ADAM20: variants seen among roughly 807,000 people sequenced by gnomAD.
The protein encoded by ADAM20 is disintegrin and metalloproteinase domain-containing protein 20.
For missense variants in ADAM20, 871 were observed against 883.2 expected (o/e 0.99, Z 0.18); for synonymous variants, 305 against 310.2 (o/e 0.98, Z 0.18).
At chr14:70,572,133 A>G in the ADAM20 span, among the ~76,000 whole-genome samples, 1 of 152,206 alleles carries the variant, frequency 6.6e-6, no homozygotes, top group Non-Finnish European at 1.5e-5. Flanking sequence ...AAAATTACGG[A>G]AACTTCACAT....
At chr14:70,562,409 T>C in the ADAM20 span, among the ~76,000 whole-genome samples, 2 of 152,178 alleles carry the variant, frequency 1.3e-5, no homozygotes, top group East Asian at 1.9e-4. Context: ...AGATGAGACT[T>C]TGGATTGTGG....
At chr14:70,574,133 A>G in the ADAM20 span, among the ~76,000 whole-genome samples, 4 of 151,988 alleles carry the variant, frequency 2.6e-5, no homozygotes, top group Non-Finnish European at 5.9e-5. Context: ...CAGATTAAAG[A>G]AGACTGAAAT....
the ADAM20 span, among the ~76,000 whole-genome samples, chr14:70,540,538 T>C: frequency 6.6e-6 from 1 of 152,212 alleles, no homozygotes; most frequent in South Asian, 2.1e-4. Flanking sequence ...CCAAATACTA[T>C]AAGGTATCAA....
the ADAM20 span, among the ~76,000 whole-genome samples, chr14:70,568,075 C>A: frequency 2.6e-5 from 4 of 152,176 alleles, no homozygotes; most frequent in African/African-American, 7.2e-5. Context: ...TACTGGACTA[C>A]AGCCTGAACT....
chr14:70,570,076 C>CA, the ADAM20 span, among the ~76,000 whole-genome samples: 11 of 151,770 alleles, frequency 7.2e-5, no homozygotes, highest in Non-Finnish European at 1.6e-4. Context: ...TCAATAAATG[C>CA]AAAAAAACTG....
At chr14:70,557,141 G>A in the ADAM20 span, 4 of 152,092 alleles carry the variant, frequency 2.6e-5, no homozygotes, top group East Asian at 3.9e-4. Context: ...AATTTCCAAG[G>A]TAAAACAACA....
chr14:70,538,206 T>C (rs1006618523), upstream of ADAM20, among the ~76,000 whole-genome samples: 43 of 151,878 alleles, frequency 2.8e-4, no homozygotes, highest in Admixed American at 2.0e-4. Flanking sequence ...CTGCTACCCA[T>C]TCAAAAACCA....
In ADAM20 at chr14:70,522,941, C is replaced by T. The variant is rs371919442; in HGVS notation, c.1817G>A (p.Gly606Asp). The T allele has an allele frequency of 1.2e-5, 19 of 1,614,062 alleles. No individual in the cohort carries two copies. The South Asian group carries it at 1.9e-4, about 16-fold the overall frequency. The change falls in exon 2 of 2, where the codon GGT (glycine) becomes GAT (aspartate). Residue 606 changes from glycine to aspartate, a missense_variant. Coordinates refer to ENST00000256389, the MANE Select transcript of ADAM20 (RefSeq NM_003814.5). ...YHLGMAIPDI[G>D]EVKDGTVCGP... ...ACATACTGTGCCATCTTTCACCTCACCAATATCAGGTATAGCCATCCCTAA... is the reference window on the plus strand; with the variant it reads ...ACATACTGTGCCATCTTTCACCTCATCAATATCAGGTATAGCCATCCCTAA...
chr14:70,572,398 T>C, the ADAM20 span, among the ~76,000 whole-genome samples: 1 of 152,104 alleles, frequency 6.6e-6, no homozygotes, highest in East Asian at 1.9e-4. Flanking sequence ...GCTAGCTATA[T>C]AAAGAAGAAT....
At chr14:70,575,240 G>C in the ADAM20 span, among the ~76,000 whole-genome samples, 1 of 151,868 alleles carries the variant, frequency 6.6e-6, no homozygotes, top group East Asian at 1.9e-4. Flanking sequence ...GGTCACTCAG[G>C]TTGCAATGCA....
Position 70,524,133 on chromosome 14 carries a change from C to A in ADAM20, c.625G>T (p.Val209Phe). ...TTATCCACGACCACTACCAGCTCAACAAACCGCTGATGGGTCCACCAGCCC... is the reference window on the plus strand; with the variant it reads ...TTATCCACGACCACTACCAGCTCAAAAAACCGCTGATGGGTCCACCAGCCC... ...FVGWWTHQRF[V>F]ELVVVVDNIR... is the part of the protein sequence containing the mutation. The change falls in exon 2 of 2, where the codon GTT becomes TTT. Residue 209 changes from valine to phenylalanine, a missense_variant. Transcript: ENST00000256389. The A allele has an allele frequency of 6.2e-7, 1 of 1,613,846 alleles. No homozygotes were observed. The highest frequency in any genetic ancestry group is 1.1e-5 in the South Asian group (1 of 91,072).
chr14:70,570,817 T>C, the ADAM20 span, among the ~76,000 whole-genome samples: 2 of 151,962 alleles, frequency 1.3e-5, no homozygotes, highest in Admixed American at 1.3e-4. Flanking sequence ...AAAAAAAAAC[T>C]ACTGGTCAAT....
rs893415006 is a variant in ADAM20 at position 70,524,267 on chromosome 14, T to G, written c.491A>C (p.Asp164Ala). The change falls in exon 2 of 2, where the codon GAT becomes GCT. Residue 164 changes from aspartate to alanine, a missense_variant. Physicochemically the swap from Asp to Ala is moderately radical, Grantham distance 126. Transcript: ENST00000256389. The stretch of plus-strand genomic sequence containing the variant: ...TCTCATAGGTGGAAACTGTGTATCA[T>G]CACTGTCTATCTTATATACTAGGTG... ...FEHLVYKIDSDDTQFPPMRCG... is the reference protein window; with the variant it reads ...FEHLVYKIDSADTQFPPMRCG... The G allele has an allele frequency of 2.5e-6, 4 of 1,614,026 alleles. No individual in the cohort carries two copies. In the East Asian group the frequency reaches 8.9e-5, roughly 36 times the overall value.
chr14:70,525,982 A>G (rs867915631), intron 1 of ADAM20, among the ~76,000 whole-genome samples: 1 of 122,374 alleles, frequency 8.2e-6, no homozygotes, highest in Admixed American at 8.1e-5. Context: ...CACATGGCTG[A>G]TGAGTTACCT....
In ADAM20 at chr14:70,524,197, T is replaced by C. The variant is rs779809756; in HGVS notation, c.561A>G (p.Gln187=). The C allele has an allele frequency of 3.1e-6, 5 of 1,613,904 alleles. No individual in the cohort carries two copies. Among genetic ancestry groups the C allele is most frequent in the Non-Finnish European group, 4.2e-6 (5 of 1,179,924 alleles). ...EEKIAHQMEL[Q]LSYNFTLKQS... ...GCTTCAGAGTGAAATTATATGACAA[T>C]TGCAACTCCATCTGGTGTGCTATTT... is the stretch of plus-strand genomic sequence containing the variant. The change falls in exon 2 of 2, where the codon CAA becomes CAG. Residue 187 remains glutamine (Q), a synonymous_variant. Transcript: ENST00000256389.
chr14:70,553,309 T>A, the ADAM20 span, among the ~76,000 whole-genome samples: 225 of 17,228 alleles, frequency 0.013, no homozygotes, highest in Admixed American at 0.017. Context: ...TAGAGTATAA[T>A]AAAAAAAAAA....
the ADAM20 span, among the ~76,000 whole-genome samples, chr14:70,541,786 G>A: frequency 1.3e-5 from 2 of 152,210 alleles, no homozygotes; most frequent in South Asian, 4.1e-4. Flanking sequence ...ATATCTTACT[G>A]TACATTATCA....
the ADAM20 span, among the ~76,000 whole-genome samples, chr14:70,564,736 ATTTTTTTTTTTTT>A: frequency 6.5e-5 from 6 of 91,872 alleles, no homozygotes; most frequent in South Asian, 8.6e-4. Flanking sequence ...GATAGACGCA[ATTTTTTTTTTTTT>A]TTTTTTTTTT....
At chr14:70,525,054 A>C (rs1302997581) in intron 1 of ADAM20, 121 bp from the exon 2 acceptor site, 15 of 865,424 alleles carry the variant, frequency 1.7e-5, no homozygotes, top group Non-Finnish European at 2.6e-5. Context: ...GATTCTCTTA[A>C]TACATATGGC....
Sources: allele counts gnomAD v4.1 joint callset (sites outside exome capture counted in the v4.1 genomes callset), GRCh38; gene constraint gnomAD v4.1.1; transcripts MANE v1.5; gene names NCBI Gene and HGNC (gene_info 2026-07-23, HGNC 2026-07-21).